RALGAPA2: variants seen among roughly 807,000 people sequenced by gnomAD.
RALGAPA2 encodes ral GTPase-activating protein subunit alpha-2.
Under a neutral mutation model 230.4 loss-of-function variants are expected in RALGAPA2, and 139 were observed. That is an observed-to-expected ratio of 0.60 (90% CI 0.53 to 0.69). The LOEUF (loss-of-function observed/expected upper bound fraction) is 0.69. RALGAPA2 is among the 30% of genes least tolerant of loss of function. The pLI is 0.00. For missense variants in RALGAPA2, 2,163 were observed against 2,276.0 expected, an observed-to-expected ratio of 0.95 and a Z score of 1.01; for synonymous variants, 847 against 837.8, an observed-to-expected ratio of 1.01 and a Z score of -0.19.
Position 20,409,209 on chromosome 20 carries a change from C to T in RALGAPA2, c.5617+2818G>A, listed in dbSNP as rs2060010534. Among the ~76,000 whole-genome samples, 3 of 152,322 alleles carry T rather than the reference C, an allele frequency of 2.0e-5. No homozygotes were observed. In the South Asian group the frequency reaches 6.2e-4, roughly 32 times the overall value. ...CAACAGTGGAAGCTTCAGGCACAGG[C>T]CATTCCCACCGAGTGCATCTCCCAC... On this transcript the variant is annotated intron_variant, in intron 38 of 39. Transcript: ENST00000202677.
At position 20,392,936 on chromosome 20, in the gene RALGAPA2, C is replaced by G. The variant is rs1373163136; in HGVS notation, c.*353G>C. 1 of 575,204 alleles carries G rather than the reference C, an allele frequency of 1.7e-6. No homozygotes were observed. The highest frequency in any genetic ancestry group is 2.7e-6 in the Non-Finnish European group (1 of 376,660). 35.6% of individuals were successfully genotyped at this position (575,204 alleles called of 1,614,324 possible). A position where few individuals can be genotyped will look rare whatever the true frequency, so the allele number is the denominator to read the frequency against. On this transcript the variant is annotated 3_prime_UTR_variant, in exon 40 of 40. Transcript: ENST00000202677. ...CTGTCATCTGCCCAGAGCAGCCACACCAGTGCCCACGTGTCAGTGGGTTCA... is the reference window on the plus strand; with the variant it reads ...CTGTCATCTGCCCAGAGCAGCCACAGCAGTGCCCACGTGTCAGTGGGTTCA...
At chr20:20,449,804 A>G (rs1316066504) in intron 37 of RALGAPA2, among the ~76,000 whole-genome samples, 3 of 152,240 alleles carry the variant, frequency 2.0e-5, no homozygotes, top group Non-Finnish European at 4.4e-5. Flanking sequence ...TTAGGTTAGA[A>G]TGACCTATTA....
chr20:20,483,353 G>A (rs920784679), intron 36 of RALGAPA2, among the ~76,000 whole-genome samples: 2 of 152,168 alleles, frequency 1.3e-5, no homozygotes, highest in South Asian at 4.2e-4. Context: ...TTTAGGTTAA[G>A]AAGCCAATAA....
intron 2 of RALGAPA2, among the ~76,000 whole-genome samples, chr20:20,677,558 A>C (rs2068372020): frequency 6.7e-6 from 1 of 149,722 alleles, no homozygotes; most frequent in Admixed American, 6.6e-5. Context: ...GTGGAGCCTG[A>C]GACCACTGTA....
chr20:20,694,286 C>T (rs1332151184), intron 1 of RALGAPA2, among the ~76,000 whole-genome samples: 1 of 151,896 alleles, frequency 6.6e-6, no homozygotes, highest in African/African-American at 2.4e-5. Context: ...AAAAGTACAC[C>T]CAGAAGTTGG....
intron 12 of RALGAPA2, among the ~76,000 whole-genome samples, chr20:20,617,299 C>T (rs1251499012): frequency 2.0e-5 from 3 of 152,078 alleles, no homozygotes; most frequent in Non-Finnish European, 4.4e-5. Flanking sequence ...TATTCACAGC[C>T]TTTAAAGTTA....
At chr20:20,413,852 A>G (rs189961271) in intron 37 of RALGAPA2, among the ~76,000 whole-genome samples, 53 of 152,286 alleles carry the variant, frequency 3.5e-4, no homozygotes, top group African/African-American at 1.3e-3. Flanking sequence ...TGTGGGCTGA[A>G]CTCCTGGTGA....
At chr20:20,550,750 C>T (rs138042998) in intron 23 of RALGAPA2, among the ~76,000 whole-genome samples, 3 of 152,066 alleles carry the variant, frequency 2.0e-5, no homozygotes, top group Non-Finnish European at 2.9e-5. Context: ...TACTCCCTTA[C>T]GGAGCTGTAT....
chr20:20,657,192 G>C (rs927361335), intron 3 of RALGAPA2, among the ~76,000 whole-genome samples: 3 of 152,166 alleles, frequency 2.0e-5, no homozygotes, highest in Non-Finnish European at 4.4e-5. Flanking sequence ...ATTAGACAGG[G>C]GAGCCTCAGA....
intron 31 of RALGAPA2, among the ~76,000 whole-genome samples, chr20:20,517,399 CA>C (rs2062905137): frequency 6.6e-6 from 1 of 152,168 alleles, no homozygotes; most frequent in African/African-American, 2.4e-5. Context: ...ATCCCCTAGC[CA>C]CATTAATCAA....
At chr20:20,670,582 G>A (rs1250319658) in intron 3 of RALGAPA2, among the ~76,000 whole-genome samples, 5 of 150,250 alleles carry the variant, frequency 3.3e-5, no homozygotes, top group Non-Finnish European at 1.5e-5. Context: ...CCATTTGAAA[G>A]ACAAAGCAAT....
intron 37 of RALGAPA2, among the ~76,000 whole-genome samples, chr20:20,446,099 T>C (rs977154041): frequency 2.6e-5 from 4 of 152,156 alleles, no homozygotes; most frequent in Non-Finnish European, 5.9e-5. Flanking sequence ...TAAAATCTTA[T>C]ATTCTTACTT....
rs2060642444 is a variant in RALGAPA2 at position 20,437,535 on chromosome 20, C to CAG, written c.5496-25388_5496-25387insCT. 6.6e-6 allele frequency among the ~76,000 whole-genome samples: 1 copy of CAG among 152,212 alleles called. No homozygotes were observed. The highest frequency in any genetic ancestry group is 1.5e-5 in the Non-Finnish European group (1 of 68,028). On this transcript the variant is annotated intron_variant, in intron 37 of 39. Transcript: ENST00000202677. This position sits in a 1 kb window ranked among gnomAD's most constrained non-coding sequence, Gnocchi z 4.1. ...CTGTGGCTGGCAAGGCCCTGCCCCACTGGGTGCCTGCCCCTGCTGTCACCT... is the reference window on the plus strand; with the variant it reads ...CTGTGGCTGGCAAGGCCCTGCCCCACAGTGGGTGCCTGCCCCTGCTGTCACCT...
Position 20,653,549 on chromosome 20 carries a change from T to C in RALGAPA2, c.309A>G (p.Arg103=), listed in dbSNP as rs1411246926. 6.7e-7 allele frequency: 1 copy of C among 1,501,274 alleles called. No homozygotes were observed. Among genetic ancestry groups the C allele is most frequent in the Admixed American group, 2.0e-5 (1 of 49,376 alleles). The allele number at this position is 1,501,274 out of a possible 1,614,324, so 93.0% of individuals were successfully genotyped here. A position where few individuals can be genotyped will look rare whatever the true frequency, so the allele number is the denominator to read the frequency against. ...LQFLPERIFF[R]WHYQSIGSTL... ...TCTTACCTATACTCTGGTAATGCCA[T>C]CGAAAGAAAATTCGTTCAGGTAGAA... The change falls in exon 4 of 40, where the codon CGA becomes CGG. Residue 103 remains arginine, a synonymous_variant. Coordinates refer to ENST00000202677, the MANE Select transcript of RALGAPA2 (RefSeq NM_020343.4).
At chr20:20,520,876 T>C in intron 31 of RALGAPA2, 41 bp downstream of exon 31, 2 of 1,468,880 alleles carry the variant, frequency 1.4e-6, no homozygotes, top group Non-Finnish European at 1.8e-6. Context: ...AAATCCTTCC[T>C]TTTCCTTCCC....
chr20:20,690,630 G>A (rs552584893), intron 1 of RALGAPA2, among the ~76,000 whole-genome samples: 1 of 152,018 alleles, frequency 6.6e-6, no homozygotes, highest in East Asian at 1.9e-4. Context: ...ACCTGTAAAG[G>A]CTGTTTCCTT....
intron 37 of RALGAPA2, among the ~76,000 whole-genome samples, chr20:20,441,397 C>A (rs2060736265): frequency 6.6e-6 from 1 of 152,180 alleles, no homozygotes; most frequent in South Asian, 2.1e-4. Flanking sequence ...TGTGGGTGGA[C>A]CTGTGGCTAG....
chr20:20,614,437 A>G (rs1046642644), intron 13 of RALGAPA2, among the ~76,000 whole-genome samples: 40 of 152,240 alleles, frequency 2.6e-4, no homozygotes, highest in Admixed American at 2.3e-3. Context: ...TGATAAAACT[A>G]TGGTATTCAG....
intron 37 of RALGAPA2, among the ~76,000 whole-genome samples, chr20:20,418,304 A>C (rs1482158457): frequency 6.6e-6 from 1 of 152,226 alleles, no homozygotes; most frequent in Non-Finnish European, 1.5e-5. Flanking sequence ...ATACCATCTT[A>C]TATATCCCAG....
Sources: allele counts gnomAD v4.1 joint callset (sites outside exome capture counted in the v4.1 genomes callset), GRCh38; gene constraint gnomAD v4.1.1; non-coding constraint Gnocchi (gnomAD v3.1); transcripts MANE v1.5; gene names NCBI Gene and HGNC (gene_info 2026-07-23, HGNC 2026-07-21).